The following C12orf42 variants were observed in gnomAD, a reference collection of about 807,000 sequenced individuals.
C12orf42 encodes the protein uncharacterized protein C12orf42.
In C12orf42, 25 loss-of-function variants were observed where a neutral mutation model predicts 21.6. The ratio of observed to expected loss-of-function variants is 1.16; its 90% CI spans 0.84 to 1.62. C12orf42 has a LOEUF of 1.62. Among genes scored for constraint, C12orf42 ranks in the 40% most tolerant of loss-of-function variants. The pLI is 0.00. For synonymous variants in C12orf42, 174 were observed against 175.0 expected, an observed-to-expected ratio of 0.99 and a Z score of 0.05; for missense variants, 483 against 459.3, an observed-to-expected ratio of 1.05 and a Z score of -0.47.
the C12orf42 span, among the ~76,000 whole-genome samples, chr12:103,170,735 G>A: frequency 5.9e-5 from 9 of 152,108 alleles, no homozygotes; most frequent in South Asian, 1.2e-3. Context: ...TACACCCAAC[G>A]CACTCAATTC....
chr12:103,547,690 AT>A, the C12orf42 span: 1 of 152,216 alleles, frequency 6.6e-6, no homozygotes, highest in East Asian at 1.9e-4. Context: ...CAAGGCAGGT[AT>A]TGTAAAAGGT....
chr12:103,455,855 G>T (rs1952255084), intron 2 of C12orf42, among the ~76,000 whole-genome samples: 1 of 152,040 alleles, frequency 6.6e-6, no homozygotes, highest in Non-Finnish European at 1.5e-5. Context: ...CTCTACCAAG[G>T]ATAAATTTCA....
chr12:103,225,564 T>C, the C12orf42 span, among the ~76,000 whole-genome samples: 2 of 151,898 alleles, frequency 1.3e-5, no homozygotes, highest in Admixed American at 1.3e-4. Flanking sequence ...AAGGAGGCTT[T>C]GGATTGGGAA....
chr12:103,098,178 G>GAATGGAAACC, the C12orf42 span, among the ~76,000 whole-genome samples: 1 of 152,196 alleles, frequency 6.6e-6, no homozygotes, highest in African/African-American at 2.4e-5. Flanking sequence ...CATGGCCTCA[G>GAATGGAAACC]AATGGAAACC....
chr12:103,300,919 A>T (rs1234613737), downstream of C12orf42, among the ~76,000 whole-genome samples: 1 of 152,216 alleles, frequency 6.6e-6, no homozygotes, highest in Non-Finnish European at 1.5e-5. Context: ...ATTTATTATT[A>T]AAAAATCATA....
At chr12:103,428,066 T>C (rs1949982657) in intron 2 of C12orf42, among the ~76,000 whole-genome samples, 1 of 152,042 alleles carries the variant, frequency 6.6e-6, no homozygotes, top group South Asian at 2.1e-4. Flanking sequence ...TTAAAAGAAC[T>C]AGAGAAGCAA....
At chr12:103,524,392 A>C in the C12orf42 span, among the ~76,000 whole-genome samples, 1 of 152,232 alleles carries the variant, frequency 6.6e-6, no homozygotes, top group Non-Finnish European at 1.5e-5. Flanking sequence ...AGAGGTGGCA[A>C]AAAAAAGGGC....
At chr12:103,352,331 G>A (rs1165138536) in intron 4 of C12orf42, among the ~76,000 whole-genome samples, 3 of 152,152 alleles carry the variant, frequency 2.0e-5, no homozygotes, top group Non-Finnish European at 4.4e-5. Flanking sequence ...GCAGGATAGA[G>A]ACTATGAAGA....
chr12:103,292,423 T>A (rs2036882828), intron 4 of C12orf42, among the ~76,000 whole-genome samples: 1 of 152,058 alleles, frequency 6.6e-6, no homozygotes, highest in Non-Finnish European at 1.5e-5. Flanking sequence ...AAATAAATAA[T>A]TAAAAGTAAC....
intron 4 of C12orf42, among the ~76,000 whole-genome samples, chr12:103,335,571 G>A (rs1045667913): frequency 6.6e-6 from 1 of 152,200 alleles, no homozygotes; most frequent in African/African-American, 2.4e-5. Context: ...ACTTAAGCTT[G>A]AAGCTAACTG....
chr12:103,172,508 T>C, the C12orf42 span, among the ~76,000 whole-genome samples: 2 of 152,102 alleles, frequency 1.3e-5, no homozygotes, highest in African/African-American at 2.4e-5. Context: ...ATGTGGAGTA[T>C]ATAATATTCC....
the C12orf42 span, among the ~76,000 whole-genome samples, chr12:103,167,695 G>A: frequency 6.6e-6 from 1 of 151,990 alleles, no homozygotes; most frequent in Non-Finnish European, 1.5e-5. Context: ...TAAGCATTTA[G>A]TATGATGTAT....
At chr12:103,149,844 C>T in the C12orf42 span, among the ~76,000 whole-genome samples, 11 of 152,112 alleles carry the variant, frequency 7.2e-5, no homozygotes, top group African/African-American at 2.2e-4. Flanking sequence ...GATTAATACA[C>T]CTAGTCATAA....
At chr12:103,349,701 A>G (rs1264826041) in intron 4 of C12orf42, among the ~76,000 whole-genome samples, 2 of 152,190 alleles carry the variant, frequency 1.3e-5, no homozygotes, top group Non-Finnish European at 2.9e-5. Flanking sequence ...TCAAATGCCA[A>G]AGACAATGTC....
At chr12:103,321,779 A>G (rs1566076340) in intron 4 of C12orf42, among the ~76,000 whole-genome samples, 1 of 144,810 alleles carries the variant, frequency 6.9e-6, no homozygotes, top group Non-Finnish European at 1.5e-5. Context: ...AAAACCAAAC[A>G]CCACATATTC....
intron 4 of C12orf42, among the ~76,000 whole-genome samples, chr12:103,295,495 T>C (rs1307934890): frequency 6.6e-6 from 1 of 152,146 alleles, no homozygotes; most frequent in Non-Finnish European, 1.5e-5. Context: ...GAGGCAGTCA[T>C]TGGCCAAATT....
At chr12:103,545,141 T>C in the C12orf42 span, among the ~76,000 whole-genome samples, 24 of 152,328 alleles carry the variant, frequency 1.6e-4, no homozygotes, top group African/African-American at 5.8e-4. Flanking sequence ...CATCTTAGGA[T>C]TTTTTAAATT....
chr12:103,142,761 T>A, the C12orf42 span, among the ~76,000 whole-genome samples: 1 of 152,288 alleles, frequency 6.6e-6, no homozygotes, highest in East Asian at 1.9e-4. Flanking sequence ...GAGGGCTTTA[T>A]CTCCATACTC....
the C12orf42 span, among the ~76,000 whole-genome samples, chr12:103,510,586 T>TTA: frequency 6.6e-6 from 1 of 152,284 alleles, no homozygotes; most frequent in East Asian, 1.9e-4. Flanking sequence ...ACTTGGACTT[T>TTA]TAGACATTCT....
Sources: allele counts gnomAD v4.1 joint callset (sites outside exome capture counted in the v4.1 genomes callset), GRCh38; gene constraint gnomAD v4.1.1; transcripts MANE v1.5; gene names NCBI Gene and HGNC (gene_info 2026-07-23, HGNC 2026-07-21).